KCTD16: variants seen among roughly 807,000 people sequenced by gnomAD.
KCTD16 encodes the protein BTB/POZ domain-containing protein KCTD16.
KCTD16 carries 13 observed loss-of-function variants against 33.2 expected under a neutral mutation model. The observed-to-expected ratio is 0.39, with a 90% CI of 0.25 to 0.62. The LOEUF (loss-of-function observed/expected upper bound fraction) is 0.62. Ranked by LOEUF, KCTD16 falls within the 20% of genes least tolerant of loss-of-function variation. The pLI is 0.50. For synonymous variants in KCTD16, 197 were observed against 195.3 expected, an observed-to-expected ratio of 1.01 and a Z score of -0.07; for missense variants, 441 against 525.1, an observed-to-expected ratio of 0.84 and a Z score of 1.57.
rs139674657 is a variant in KCTD16, at chr5:144,381,803, C to A, written c.833-91857C>A. ...GGGTAAGGACATATGTTCAAACCAT[C>A]TCAAGAAGTTTGGAGATTTATCAAA... On this transcript the variant is annotated intron_variant, in intron 3 of 3. Coordinates refer to ENST00000512467, the MANE Select transcript of KCTD16 (RefSeq NM_020768.4). Among the ~76,000 whole-genome samples, 400 of 152,284 alleles carry A rather than the reference C, an allele frequency of 2.6e-3. 3 individuals are homozygous for A. Among genetic ancestry groups the A allele is most frequent in the African/African-American group, 9.1e-3 (379 of 41,568 alleles).
chr5:144,369,866 A>G (rs949038187), intron 3 of KCTD16, among the ~76,000 whole-genome samples: 1 of 152,178 alleles, frequency 6.6e-6, no homozygotes, highest in Non-Finnish European at 1.5e-5. Context: ...TGTATTTTTA[A>G]TAGGACTTAT....
At chr5:144,195,739 T>C (rs916235799) in intron 2 of KCTD16, among the ~76,000 whole-genome samples, 2 of 152,232 alleles carry the variant, frequency 1.3e-5, no homozygotes, top group African/African-American at 4.8e-5. Context: ...GAATTCTAAA[T>C]GAGTGCCTCT....
In KCTD16 at chr5:144,207,193, A is replaced by G. The variant is rs1221342747; in HGVS notation, c.479A>G (p.Asp160Gly). ...CCCCCTTCCTCCCTGCTCCCTGCCGACCGCAAGTGGGGTTTCATTACTGTG... is the reference window on the plus strand; with the variant it reads ...CCCCCTTCCTCCCTGCTCCCTGCCGGCCGCAAGTGGGGTTTCATTACTGTG... ...ICPPSSLLPA[D>G]RKWGFITVGY... The change falls in exon 3 of 4, where the codon GAC becomes GGC. Residue 160 changes from aspartate to glycine, a missense_variant. This residue lies in a region of KCTD16 where 355 missense variants were observed against 413.0 expected (regional missense o/e 0.86). Coordinates refer to ENST00000512467, the MANE Select transcript of KCTD16 (RefSeq NM_020768.4). The G allele has an allele frequency of 6.2e-7, 1 of 1,613,328 alleles. No individual in the cohort carries two copies. Among genetic ancestry groups the G allele is most frequent in the Non-Finnish European group, 8.5e-7 (1 of 1,179,694 alleles).
intron 3 of KCTD16, among the ~76,000 whole-genome samples, chr5:144,377,470 A>G (rs1344497311): frequency 6.6e-6 from 1 of 152,192 alleles, no homozygotes; most frequent in Non-Finnish European, 1.5e-5. Context: ...TGTGACACTT[A>G]TTAATTTTAT....
At chr5:144,469,651 T>C (rs1754425859) in intron 3 of KCTD16, among the ~76,000 whole-genome samples, 1 of 152,144 alleles carries the variant, frequency 6.6e-6, no homozygotes, top group South Asian at 2.1e-4. Flanking sequence ...ATTCTTCAGA[T>C]GAGTAAACTG....
At chr5:144,463,821 A>G (rs1365295147) in intron 3 of KCTD16, among the ~76,000 whole-genome samples, 1 of 152,208 alleles carries the variant, frequency 6.6e-6, no homozygotes. Context: ...CACAATTGAC[A>G]TGTAGTAAAC....
chr5:144,188,712 A>G (rs527400903), intron 2 of KCTD16, among the ~76,000 whole-genome samples: 1 of 152,360 alleles, frequency 6.6e-6, no homozygotes, highest in African/African-American at 2.4e-5. Flanking sequence ...CAACAGATAA[A>G]TAACTTGAGT....
At chr5:144,471,572 G>A (rs1486410293) in intron 3 of KCTD16, among the ~76,000 whole-genome samples, 4 of 152,082 alleles carry the variant, frequency 2.6e-5, no homozygotes, top group Non-Finnish European at 4.4e-5. Flanking sequence ...AGTCATTTTG[G>A]TATAGGGGTT....
Position 144,475,425 on chromosome 5 carries a change from A to G in KCTD16, c.*1311A>G, listed in dbSNP as rs899810586. On this transcript the variant is annotated 3_prime_UTR_variant, in exon 4 of 4. Transcript: ENST00000512467. ...TTAAGGTTTCAGATTTCTAAATGAA[A>G]CTATCTTTTTCAATTACATCCTGAC... 6.6e-6 allele frequency: 1 copy of G among 152,330 alleles called. No homozygotes were observed. The highest frequency in any genetic ancestry group is 1.5e-5 in the Non-Finnish European group (1 of 68,038). 9.4% of individuals were successfully genotyped at this position (152,330 alleles called of 1,614,324 possible).
At chr5:144,182,655 C>T (rs543932853) in intron 2 of KCTD16, among the ~76,000 whole-genome samples, 15 of 152,082 alleles carry the variant, frequency 9.9e-5, no homozygotes, top group African/African-American at 3.1e-4. Context: ...CACACACCAG[C>T]GATTGCTTGA....
intron 2 of KCTD16, among the ~76,000 whole-genome samples, chr5:144,202,229 A>G (rs1753059594): frequency 6.6e-6 from 1 of 152,114 alleles, no homozygotes; most frequent in South Asian, 2.1e-4. Context: ...AGAGCTGCCA[A>G]GAGAGAATAA....
Position 144,473,958 on chromosome 5 carries a change from C to T in KCTD16, c.1131C>T (p.Asn377=). 1 of 1,613,898 alleles carries T rather than the reference C, an allele frequency of 6.2e-7. No homozygotes were observed. Among genetic ancestry groups the T allele is most frequent in the Non-Finnish European group, 8.5e-7 (1 of 1,179,960 alleles). The change falls in exon 4 of 4, where the codon AAC becomes AAT. Residue 377 remains asparagine, a synonymous_variant. Coordinates refer to ENST00000512467, the MANE Select transcript of KCTD16 (RefSeq NM_020768.4). ...RTLTSGSRES[N]MSSKKKAVKE... ...TGACTTCAGGCTCCAGGGAATCGAA[C>T]ATGAGCAGCAAAAAAAAAGCTGTTA...
intron 3 of KCTD16, among the ~76,000 whole-genome samples, chr5:144,215,614 A>G (rs1753540837): frequency 6.6e-6 from 1 of 152,172 alleles, no homozygotes; most frequent in Non-Finnish European, 1.5e-5. Flanking sequence ...CAACTGTAAA[A>G]TGGAAAGGAT....
At chr5:144,267,166 C>T (rs1755167731) in intron 3 of KCTD16, among the ~76,000 whole-genome samples, 1 of 152,168 alleles carries the variant, frequency 6.6e-6, no homozygotes, top group African/African-American at 2.4e-5. Context: ...TGGTTCCTTA[C>T]AGAAGATGAA....
At position 144,198,085 on chromosome 5, in the gene KCTD16, C is replaced by T. The variant is rs536427042; in HGVS notation, c.-326-8304C>T. ...GTTTTCGCAGTCAGCTTATTTCTCTCGGACCTGACCAAATGAAAAGATCCC... is the reference window on the plus strand; with the variant it reads ...GTTTTCGCAGTCAGCTTATTTCTCTTGGACCTGACCAAATGAAAAGATCCC... On this transcript the variant is annotated intron_variant, in intron 2 of 3. Coordinates refer to ENST00000512467, the MANE Select transcript of KCTD16 (RefSeq NM_020768.4). 1.1e-4 allele frequency among the ~76,000 whole-genome samples: 16 copies of T among 152,250 alleles called. No individual in the cohort carries two copies. In the South Asian group the frequency reaches 1.7e-3, roughly 16 times the overall value.
chr5:144,219,965 C>G (rs1554081361), intron 3 of KCTD16, among the ~76,000 whole-genome samples: 2 of 152,204 alleles, frequency 1.3e-5, no homozygotes, highest in Non-Finnish European at 2.9e-5. Flanking sequence ...TGCACTGTTA[C>G]TACACATACT....
intron 3 of KCTD16, among the ~76,000 whole-genome samples, chr5:144,315,003 C>T (rs1288781729): frequency 6.6e-6 from 1 of 152,128 alleles, no homozygotes; most frequent in Non-Finnish European, 1.5e-5. Context: ...TCATGTTGGT[C>T]TTTGTGGCTA....
chr5:144,242,799 A>T (rs1271526344), intron 3 of KCTD16, among the ~76,000 whole-genome samples: 1 of 152,146 alleles, frequency 6.6e-6, no homozygotes, highest in African/African-American at 2.4e-5. Flanking sequence ...AACTAGGAAC[A>T]AATAGAACCA....
intron 3 of KCTD16, among the ~76,000 whole-genome samples, chr5:144,230,984 A>G (rs1267006162): frequency 6.6e-6 from 1 of 152,174 alleles, no homozygotes; most frequent in Non-Finnish European, 1.5e-5. Context: ...GAGAGCAAAC[A>G]ATGACTTGGC....
Sources: gnomAD v4.1 joint callset for allele counts (sites outside exome capture counted in the v4.1 genomes callset) on GRCh38, gnomAD v4.1.1 for gene constraint, gnomAD v4.1.1 regional missense constraint, MANE v1.5 for transcripts, NCBI Gene and HGNC (gene_info 2026-07-23, HGNC 2026-07-21) for gene names.